KIF16B: variants seen among roughly 807,000 people sequenced by gnomAD.
KIF16B encodes the protein kinesin-like protein KIF16B.
A neutral mutation model predicts 156.3 loss-of-function variants in KIF16B; 98 were observed. The ratio of observed to expected loss-of-function variants is 0.63; its 90% CI spans 0.53 to 0.74. The LOEUF (loss-of-function observed/expected upper bound fraction) is 0.74, where lower values mean the gene tolerates loss of function less well. KIF16B is among the 30% of genes least tolerant of loss of function. The pLI is 0.00. For synonymous variants in KIF16B, 564 were observed against 583.7 expected (o/e 0.97, Z 0.49); for missense variants, 1,421 against 1,606.5 (o/e 0.88, Z 1.97).
At chr20:16,281,617 T>G (rs1290769625) in intron 25 of KIF16B, among the ~76,000 whole-genome samples, 1 of 152,172 alleles carries the variant, frequency 6.6e-6, no homozygotes, top group Non-Finnish European at 1.5e-5. Context: ...ATAGGCTGGG[T>G]TCCCTTTCCA....
At chr20:16,359,873 A>T (rs528150946) in intron 22 of KIF16B, among the ~76,000 whole-genome samples, 78 of 152,266 alleles carry the variant, frequency 5.1e-4, no homozygotes, top group African/African-American at 1.8e-3. Context: ...GTGAAGCATA[A>T]CAGGATCCTT....
At chr20:16,452,685 A>G (rs1199612148) in intron 12 of KIF16B, among the ~76,000 whole-genome samples, 7 of 152,054 alleles carry the variant, frequency 4.6e-5, no homozygotes, top group Non-Finnish European at 8.8e-5. Flanking sequence ...AATACAAAAA[A>G]TTAGCTGGGC....
At chr20:16,535,074 G>A (rs559110500) in intron 1 of KIF16B, among the ~76,000 whole-genome samples, 1 of 151,990 alleles carries the variant, frequency 6.6e-6, no homozygotes, top group African/African-American at 2.4e-5. Context: ...TGAAATTGTA[G>A]ATTGCTTTGA....
At chr20:16,281,134 T>C (rs954198052) in intron 25 of KIF16B, among the ~76,000 whole-genome samples, 2 of 152,204 alleles carry the variant, frequency 1.3e-5, no homozygotes, top group Non-Finnish European at 2.9e-5. Flanking sequence ...CTCTTTATTT[T>C]ACAAAATTTT....
intron 1 of KIF16B, among the ~76,000 whole-genome samples, chr20:16,530,780 C>CAA (rs920506560): frequency 6.6e-6 from 1 of 152,110 alleles, no homozygotes; most frequent in Non-Finnish European, 1.5e-5. Context: ...CAGCTCACTG[C>CAA]AACCTCCACC....
At chr20:16,476,555 C>T (rs1278128572) in intron 12 of KIF16B, among the ~76,000 whole-genome samples, 1 of 152,118 alleles carries the variant, frequency 6.6e-6, no homozygotes, top group Non-Finnish European at 1.5e-5. Flanking sequence ...AAAATCAACT[C>T]GCAAAATCTC....
chr20:16,331,743 T>A (rs2063952195), intron 24 of KIF16B, among the ~76,000 whole-genome samples: 1 of 152,182 alleles, frequency 6.6e-6, no homozygotes, highest in African/African-American at 2.4e-5. Flanking sequence ...GATCCTTTTG[T>A]ATCAACCCTT....
At chr20:16,410,830 C>A (rs2065935004) in intron 15 of KIF16B, among the ~76,000 whole-genome samples, 1 of 152,116 alleles carries the variant, frequency 6.6e-6, no homozygotes, top group Non-Finnish European at 1.5e-5. Flanking sequence ...CTTATCACAG[C>A]AATTTTACAT....
At chr20:16,450,148 G>C (rs1453719387) in intron 12 of KIF16B, among the ~76,000 whole-genome samples, 1 of 152,120 alleles carries the variant, frequency 6.6e-6, no homozygotes, top group Non-Finnish European at 1.5e-5. Context: ...AAGTTTATGA[G>C]CATTTGGTCA....
intron 1 of KIF16B, among the ~76,000 whole-genome samples, chr20:16,529,679 C>T (rs991546489): frequency 6.6e-6 from 1 of 152,172 alleles, no homozygotes; most frequent in Non-Finnish European, 1.5e-5. Flanking sequence ...TGGCCGAGCA[C>T]GGTGGCTCAC....
chr20:16,364,105 T>C (rs2064607129), intron 22 of KIF16B, among the ~76,000 whole-genome samples: 2 of 152,348 alleles, frequency 1.3e-5, no homozygotes, highest in African/African-American at 4.8e-5. Context: ...CTGTAATTAC[T>C]ACTGCTGGAA....
chr20:16,346,090 C>G (rs2064229052), intron 23 of KIF16B, among the ~76,000 whole-genome samples: 1 of 152,192 alleles, frequency 6.6e-6, no homozygotes, highest in Non-Finnish European at 1.5e-5. Context: ...AACTGTGTAA[C>G]AGTTCCTAAT....
intron 12 of KIF16B, 36 bp downstream of exon 12, chr20:16,494,255 C>T: frequency 7.7e-7 from 1 of 1,306,204 alleles, no homozygotes. Flanking sequence ...GTTTAATCCA[C>T]CATAGTAAGA....
At chr20:16,442,944 T>G (rs916769018) in intron 12 of KIF16B, among the ~76,000 whole-genome samples, 1 of 152,204 alleles carries the variant, frequency 6.6e-6, no homozygotes. Flanking sequence ...GGCACGCTGG[T>G]GAGTAGGTAA....
At chr20:16,292,546 T>C (rs2063328822) in intron 25 of KIF16B, among the ~76,000 whole-genome samples, 1 of 151,930 alleles carries the variant, frequency 6.6e-6, no homozygotes. Context: ...CACAAGGTAT[T>C]TGGAAAACAA....
At chr20:16,351,130 C>A (rs933654187) in intron 23 of KIF16B, among the ~76,000 whole-genome samples, 1 of 151,918 alleles carries the variant, frequency 6.6e-6, no homozygotes, top group Non-Finnish European at 1.5e-5. Context: ...ACTCTTCTGC[C>A]GATTACTTCC....
At chr20:16,367,104 T>A (rs759405533) in intron 22 of KIF16B, 10 of 1,505,514 alleles carry the variant, frequency 6.6e-6, no homozygotes, top group Middle Eastern at 1.8e-4. Flanking sequence ...ATTTTATTAA[T>A]GATCTCAAAA....
chr20:16,297,970 C>T (rs2122565217), intron 25 of KIF16B, among the ~76,000 whole-genome samples: 1 of 152,268 alleles, frequency 6.6e-6, no homozygotes, highest in East Asian at 1.9e-4. Context: ...AGTGATAAAG[C>T]CTCATTCCTC....
chr20:16,497,777 A>G (rs1198115992), intron 10 of KIF16B, 99 bp from the exon 11 acceptor site: 2 of 923,936 alleles, frequency 2.2e-6, no homozygotes, highest in Admixed American at 2.3e-5. Flanking sequence ...CACAGAAACT[A>G]TTAAAGGTAA....
Sources: allele counts gnomAD v4.1 joint callset (sites outside exome capture counted in the v4.1 genomes callset), GRCh38; gene constraint gnomAD v4.1.1; transcripts MANE v1.5; gene names NCBI Gene and HGNC (gene_info 2026-07-23, HGNC 2026-07-21).